RBPJ: variants seen among roughly 807,000 people sequenced by gnomAD.
RBPJ encodes the protein recombination signal binding protein for immunoglobulin kappa J region.
Under a neutral mutation model 67.8 loss-of-function variants are expected in RBPJ, and 9 were observed. That is an observed-to-expected ratio of 0.13 (90% CI 0.08 to 0.23). The LOEUF is 0.23. Among genes scored for constraint, RBPJ ranks in the 10% least tolerant of loss-of-function variants. The pLI is 1.00. For missense variants in RBPJ, 305 were observed against 595.6 expected (o/e 0.51, Z 5.08); for synonymous variants, 198 against 203.3 (o/e 0.97, Z 0.22).
At chr4:26,187,258 C>A (rs10805260) in intron 1 of RBPJ, among the ~76,000 whole-genome samples, 1 of 152,056 alleles carries the variant, frequency 6.6e-6, no homozygotes, top group African/African-American at 2.4e-5. Context: ...CACAAACAAG[C>A]TTTTTCTTTT....
intron 2 of RBPJ, among the ~76,000 whole-genome samples, chr4:26,397,328 T>C (rs1732224329): frequency 6.6e-6 from 1 of 152,108 alleles, no homozygotes; most frequent in South Asian, 2.1e-4. Context: ...TCAGGATGCC[T>C]TTTGGCAGCA....
chr4:26,241,880 T>C (rs1719648395), intron 1 of RBPJ, among the ~76,000 whole-genome samples: 1 of 152,162 alleles, frequency 6.6e-6, no homozygotes. Flanking sequence ...AAAATTGTAC[T>C]TCCAATGAGA....
intron 1 of RBPJ, among the ~76,000 whole-genome samples, chr4:26,174,066 T>G (rs1716709304): frequency 1.3e-5 from 2 of 152,248 alleles, no homozygotes. Flanking sequence ...TACCATTTAG[T>G]ACTGAATGAA....
chr4:26,140,441 A>T, the RBPJ span, among the ~76,000 whole-genome samples: 2 of 152,162 alleles, frequency 1.3e-5, no homozygotes, highest in Non-Finnish European at 2.9e-5. Flanking sequence ...TGAGGTCAGG[A>T]TCTGGTGTCA....
At chr4:26,209,128 A>G (rs1203689802) in intron 1 of RBPJ, among the ~76,000 whole-genome samples, 2 of 150,986 alleles carry the variant, frequency 1.3e-5, no homozygotes, top group African/African-American at 2.4e-5. Context: ...AGCATTTACC[A>G]TAGTAAAAAT....
intron 1 of RBPJ, among the ~76,000 whole-genome samples, chr4:26,276,964 G>T (rs1022796327): frequency 6.6e-6 from 1 of 152,080 alleles, no homozygotes; most frequent in African/African-American, 2.4e-5. Context: ...GAATAAACTA[G>T]TCATAGAATT....
At chr4:26,390,206 A>G (rs1431748188) in intron 2 of RBPJ, among the ~76,000 whole-genome samples, 2 of 152,228 alleles carry the variant, frequency 1.3e-5, no homozygotes, top group African/African-American at 2.4e-5. Context: ...AGCTTTTGAC[A>G]TCCATTTTTA....
intron 8 of RBPJ, among the ~76,000 whole-genome samples, chr4:26,429,369 T>C (rs1735990729): frequency 6.6e-6 from 1 of 152,254 alleles, no homozygotes; most frequent in East Asian, 1.9e-4. Flanking sequence ...TATGGTTTCA[T>C]GTGAAACTCC....
At chr4:26,194,516 T>C (rs1717682728) in intron 1 of RBPJ, among the ~76,000 whole-genome samples, 1 of 152,186 alleles carries the variant, frequency 6.6e-6, no homozygotes, top group Admixed American at 6.5e-5. Context: ...GAAGATGAAA[T>C]AACTTGTTCC....
At position 26,430,848 on chromosome 4, in the gene RBPJ, A is replaced by G. The variant is rs1577682365; in HGVS notation, c.1305A>G (p.Pro435=). Residue 435 remains proline, a synonymous_variant, in exon 11 of 11, where the codon CCA becomes CCG. Transcript: ENST00000355476. The surrounding 1 kb of genome is among the most constrained non-coding windows in gnomAD (Gnocchi z 4.1). ...TTACCTTTACCTACACACCAGAACC[A>G]GGGCCGCGGCCACATTGCAGTGCAG... ...TSLTFTYTPE[P]GPRPHCSAAG... 6.2e-6 allele frequency: 10 copies of G among 1,614,112 alleles called. No homozygotes were observed. Among genetic ancestry groups the G allele is most frequent in the Non-Finnish European group, 7.6e-6 (9 of 1,180,018 alleles).
intron 1 of RBPJ, among the ~76,000 whole-genome samples, chr4:26,333,021 A>G (rs893194038): frequency 1.3e-5 from 2 of 152,288 alleles, no homozygotes; most frequent in East Asian, 3.9e-4. Flanking sequence ...CACTGTTAAC[A>G]ATTGGGAGTA....
intron 1 of RBPJ, among the ~76,000 whole-genome samples, chr4:26,303,422 G>T (rs1266808625): frequency 1.5e-5 from 2 of 130,510 alleles, no homozygotes; most frequent in African/African-American, 5.8e-5. Flanking sequence ...CTGTGATTGT[G>T]CCACTGCACT....
intron 1 of RBPJ, among the ~76,000 whole-genome samples, chr4:26,275,608 A>C (rs1035961359): frequency 4.1e-5 from 6 of 147,988 alleles, no homozygotes; most frequent in Non-Finnish European, 6.0e-5. Flanking sequence ...CTTCTCTCCA[A>C]ATCATAGGTT....
the RBPJ span, among the ~76,000 whole-genome samples, chr4:26,157,153 G>T: frequency 1.3e-5 from 2 of 151,460 alleles, no homozygotes; most frequent in African/African-American, 4.8e-5. Context: ...AATCCAGCAG[G>T]GTGAGGTGGC....
chr4:26,261,843 A>C (rs545259991), intron 1 of RBPJ, among the ~76,000 whole-genome samples: 1 of 152,272 alleles, frequency 6.6e-6, no homozygotes, highest in Non-Finnish European at 1.5e-5. Context: ...TTGATTTGCC[A>C]TCATAAAAAA....
At chr4:26,204,652 T>C (rs781015630) in intron 1 of RBPJ, among the ~76,000 whole-genome samples, 1 of 152,152 alleles carries the variant, frequency 6.6e-6, no homozygotes, top group Non-Finnish European at 1.5e-5. Context: ...GTGACACAGC[T>C]CAGCAGTGGG....
intron 1 of RBPJ, among the ~76,000 whole-genome samples, chr4:26,252,586 CAAAGAG>C (rs1720150901): frequency 6.6e-6 from 1 of 151,986 alleles, no homozygotes; most frequent in East Asian, 1.9e-4. Flanking sequence ...ACCGCTGACT[CAAAGAG>C]AGAGAGAGAA....
At chr4:26,327,360 T>A (rs530870346) in intron 1 of RBPJ, among the ~76,000 whole-genome samples, 23 of 152,296 alleles carry the variant, frequency 1.5e-4, no homozygotes, top group African/African-American at 5.5e-4. Flanking sequence ...TGAGAGCTTT[T>A]CAGTCATATT....
At chr4:26,298,520 T>C (rs1721961107) in intron 1 of RBPJ, among the ~76,000 whole-genome samples, 1 of 152,172 alleles carries the variant, frequency 6.6e-6, no homozygotes, top group Non-Finnish European at 1.5e-5. Flanking sequence ...AAAGTTAAAT[T>C]AGTTGTGTGC....
Sources: allele counts gnomAD v4.1 joint callset (sites outside exome capture counted in the v4.1 genomes callset), GRCh38; gene constraint gnomAD v4.1.1; non-coding constraint Gnocchi (gnomAD v3.1); transcripts MANE v1.5; gene names NCBI Gene and HGNC (gene_info 2026-07-23, HGNC 2026-07-21).